The following CFAP96 variants were observed in gnomAD, a reference collection of about 807,000 sequenced individuals.
CFAP96 encodes cilia and flagella associated protein 96, also known as cilia-and flagella-associated protein 96.
the CFAP96 span, among the ~76,000 whole-genome samples, chr4:185,423,185 A>G: frequency 1.3e-5 from 2 of 152,218 alleles, no homozygotes; most frequent in Non-Finnish European, 2.9e-5. Flanking sequence ...AAAGTATCCT[A>G]TGCCCCCATG....
the CFAP96 span, chr4:185,425,786 A>G: frequency 6.4e-7 from 1 of 1,560,152 alleles, no homozygotes. Context: ...AGCTCCTTTC[A>G]GGCGCTGTGA....
At chr4:185,424,549 A>T in the CFAP96 span, among the ~76,000 whole-genome samples, 4 of 152,244 alleles carry the variant, frequency 2.6e-5, no homozygotes, top group African/African-American at 9.6e-5. Flanking sequence ...GAAACAATCA[A>T]GAAAGTTCAG....
At chr4:185,415,926 T>C in the CFAP96 span, 2 of 1,382,150 alleles carry the variant, frequency 1.4e-6, no homozygotes, top group Non-Finnish European at 1.9e-6. Flanking sequence ...ATATAAAGAG[T>C]AAGTAAAAAG....
chr4:185,417,267 C>G, the CFAP96 span, among the ~76,000 whole-genome samples: 3 of 152,206 alleles, frequency 2.0e-5, no homozygotes, highest in African/African-American at 7.2e-5. Context: ...AAAGAACTCA[C>G]CTGTACCCCT....
At chr4:185,427,387 C>G in the CFAP96 span, among the ~76,000 whole-genome samples, 1 of 152,200 alleles carries the variant, frequency 6.6e-6, no homozygotes, top group African/African-American at 2.4e-5. Flanking sequence ...TTTGGTGTTA[C>G]GTATTAGCAA....
At chr4:185,418,786 A>G in the CFAP96 span, 2 of 1,570,106 alleles carry the variant, frequency 1.3e-6, no homozygotes, top group African/African-American at 1.4e-5. Context: ...TTAAAAGAAT[A>G]TAAATAGAAG....
At chr4:185,414,675 T>A in the CFAP96 span, among the ~76,000 whole-genome samples, 1 of 152,240 alleles carries the variant, frequency 6.6e-6, no homozygotes, top group African/African-American at 2.4e-5. Flanking sequence ...TTACTTTGAA[T>A]GCTGGTCATG....
chr4:185,440,024 T>TCTCATATATC, the CFAP96 span, among the ~76,000 whole-genome samples: 1 of 149,906 alleles, frequency 6.7e-6, no homozygotes, highest in African/African-American at 2.4e-5. Flanking sequence ...ATCTCATATA[T>TCTCATATATC]ACATATAATT....
chr4:185,409,678 G>A, the CFAP96 span, among the ~76,000 whole-genome samples: 8 of 152,184 alleles, frequency 5.3e-5, no homozygotes, highest in Admixed American at 1.3e-4. Flanking sequence ...TGGAACTTGT[G>A]AATGCACCCT....
At chr4:185,433,123 C>T in the CFAP96 span, among the ~76,000 whole-genome samples, 1 of 152,084 alleles carries the variant, frequency 6.6e-6, no homozygotes, top group Non-Finnish European at 1.5e-5. Flanking sequence ...TTAGTTGTGA[C>T]AACTGTCAAT....
At chr4:185,449,443 A>G in the CFAP96 span, among the ~76,000 whole-genome samples, 1 of 152,074 alleles carries the variant, frequency 6.6e-6, no homozygotes, top group African/African-American at 2.4e-5. Context: ...ATTGCCTAAA[A>G]GCCTAGGAGG....
chr4:185,446,132 C>T, the CFAP96 span, among the ~76,000 whole-genome samples: 3 of 152,258 alleles, frequency 2.0e-5, no homozygotes, highest in African/African-American at 7.2e-5. Flanking sequence ...TGAGCCACTG[C>T]GCCCAGCACA....
At chr4:185,427,811 C>G in the CFAP96 span, among the ~76,000 whole-genome samples, 1 of 149,626 alleles carries the variant, frequency 6.7e-6, no homozygotes, top group Non-Finnish European at 1.5e-5. Flanking sequence ...ACCAGCCGGG[C>G]GCGGTGGCCC....
At chr4:185,425,788 G>T in the CFAP96 span, 1 of 1,562,210 alleles carries the variant, frequency 6.4e-7, no homozygotes, top group Admixed American at 1.9e-5. Flanking sequence ...CTCCTTTCAG[G>T]CGCTGTGAAG....
At chr4:185,419,104 A>G in the CFAP96 span, among the ~76,000 whole-genome samples, 1 of 151,952 alleles carries the variant, frequency 6.6e-6, no homozygotes, top group African/African-American at 2.4e-5. Context: ...CTTTTCTCTA[A>G]TTGAAAATTT....
At chr4:185,420,647 A>G in the CFAP96 span, among the ~76,000 whole-genome samples, 1 of 152,240 alleles carries the variant, frequency 6.6e-6, no homozygotes, top group Non-Finnish European at 1.5e-5. Flanking sequence ...CAGTTGCACT[A>G]CAAAAGACAA....
the CFAP96 span, among the ~76,000 whole-genome samples, chr4:185,430,642 G>C: frequency 2.0e-4 from 31 of 151,968 alleles, no homozygotes; most frequent in Non-Finnish European, 4.0e-4. Context: ...GTGGCTCACA[G>C]CTGTAATCCC....
the CFAP96 span, among the ~76,000 whole-genome samples, chr4:185,433,091 AC>A: frequency 1.3e-5 from 2 of 152,198 alleles, no homozygotes; most frequent in East Asian, 3.9e-4. Context: ...ATGAAGATAT[AC>A]TCATGAGGTT....
At chr4:185,449,412 T>C in the CFAP96 span, among the ~76,000 whole-genome samples, 3 of 152,156 alleles carry the variant, frequency 2.0e-5, no homozygotes, top group South Asian at 2.1e-4. Context: ...TTTCAGCTAC[T>C]TGGGCGGCCG....
Sources: gnomAD v4.1 joint callset for allele counts (sites outside exome capture counted in the v4.1 genomes callset) on GRCh38, gnomAD v4.1.1 for gene constraint, MANE v1.5 for transcripts, NCBI Gene and HGNC (gene_info 2026-07-23, HGNC 2026-07-21) for gene names.